Variants in SLC12A3 observed in about 807,000 individuals in gnomAD.
SLC12A3 encodes Na-Cl cotransporter.
SLC12A3 carries 104 observed loss-of-function variants against 121.0 expected under a neutral mutation model. The observed-to-expected ratio is 0.86, with a 90% CI of 0.73 to 1.01. The LOEUF (loss-of-function observed/expected upper bound fraction) is 1.01, where lower values mean the gene tolerates loss of function less well. Ranked by LOEUF, SLC12A3 falls within the 50% of genes least tolerant of loss-of-function variation. SLC12A3 has a pLI of 0.00. For synonymous variants in SLC12A3, 536 were observed against 533.4 expected, an observed-to-expected ratio of 1.00 and a Z score of -0.07; for missense variants, 1,328 against 1,356.3, an observed-to-expected ratio of 0.98 and a Z score of 0.33.
chr16:56,871,816 C>T (rs938995633), intron 6 of SLC12A3, among the ~76,000 whole-genome samples: 22 of 152,122 alleles, frequency 1.4e-4, no homozygotes, highest in African/African-American at 4.3e-4. Context: ...TCCGCCTCCT[C>T]GTCTCAAGCA....
intron 14 of SLC12A3, among the ~76,000 whole-genome samples, chr16:56,884,583 A>T (rs1315401295): frequency 6.6e-6 from 1 of 152,160 alleles, no homozygotes; most frequent in East Asian, 1.9e-4. Flanking sequence ...GCAGGCAGAC[A>T]AAGCTTGGAC....
At chr16:56,868,882 G>A (rs1227978442) in intron 3 of SLC12A3, among the ~76,000 whole-genome samples, 1 of 151,960 alleles carries the variant, frequency 6.6e-6, no homozygotes, top group East Asian at 1.9e-4. Context: ...CTGAGTCAGA[G>A]AATTGCTTGA....
At position 56,887,994 on chromosome 16, in the gene SLC12A3, C is replaced by T. The variant is rs746956333; in HGVS notation, c.2248C>T (p.His750Tyr). The T allele has an allele frequency of 1.9e-6, 3 of 1,612,032 alleles. No homozygotes were observed. Among genetic ancestry groups the T allele is most frequent in the South Asian group, 2.2e-5 (2 of 91,052 alleles). Reference protein sequence around the residue: ...VGFKKNWQSAHPATVEDYIGI... With the variant: ...VGFKKNWQSAYPATVEDYIGI... Reference sequence around the variant, plus strand: ...GTTCAAGAAGAACTGGCAGTCGGCTCACCCGGCCACAGTGGAAGACTACAT... The same window carrying T: ...GTTCAAGAAGAACTGGCAGTCGGCTTACCCGGCCACAGTGGAAGACTACAT... Residue 750 changes from histidine to tyrosine, a missense_variant, in exon 18 of 26, where the codon CAC becomes TAC. Physicochemically the swap from His to Tyr is moderately conservative, Grantham distance 83 (BLOSUM62 2). Transcript: ENST00000563236.
intron 22 of SLC12A3, among the ~76,000 whole-genome samples, chr16:56,897,622 T>C (rs2055482793): frequency 6.6e-6 from 1 of 152,188 alleles, no homozygotes; most frequent in Admixed American, 6.5e-5. Flanking sequence ...AAAAAGTAAA[T>C]AAGATACGAG....
At chr16:56,900,401 T>C (rs2055521719) in intron 23 of SLC12A3, among the ~76,000 whole-genome samples, 1 of 152,086 alleles carries the variant, frequency 6.6e-6, no homozygotes, top group African/African-American at 2.4e-5. Context: ...ATTGTCTCTG[T>C]TGGTGGAAAA....
chr16:56,902,453 G>T lies in SLC12A3; in HGVS notation c.2801G>T (p.Arg934Leu). The part of the protein sequence containing the change: ...FKDEATVNEM[R>L]RDCPWKISDE... ...GATGAGGCCACTGTCAACGAGATGCGGCGGGACTGCCCCTGGAAGATCTCA... is the reference window on the plus strand; with the variant it reads ...GATGAGGCCACTGTCAACGAGATGCTGCGGGACTGCCCCTGGAAGATCTCA... The change falls in exon 24 of 26, where the codon CGG (arginine) becomes CTG (leucine). Residue 934 changes from arginine to leucine, a missense_variant. Coordinates refer to ENST00000563236, the MANE Select transcript of SLC12A3 (RefSeq NM_001126108.2). 2 of 1,613,658 alleles carry T rather than the reference G, an allele frequency of 1.2e-6. No individual in the cohort carries two copies. The highest frequency in any genetic ancestry group is 4.5e-5 in the East Asian group (2 of 44,848).
At chr16:56,890,242 G>A in intron 18 of SLC12A3, 32 bp from the exon 19 acceptor site, 1 of 1,581,060 alleles carries the variant, frequency 6.3e-7, no homozygotes, top group African/African-American at 1.3e-5. Flanking sequence ...GGAGCTGGGG[G>A]AGAAGCTGGA....
chr16:56,902,366 T>C lies in SLC12A3; in HGVS notation c.2721-7T>C, dbSNP rs2055549070. ...CAGCCGGCCTCAACCCACTTTCTCG[T>C]CCCCAGCACCAAGAGGTTTGAGGAC... On this transcript the variant is annotated splice_polypyrimidine_tract_variant and splice_region_variant and intron_variant, in intron 23 of 25. Coordinates refer to ENST00000563236, the MANE Select transcript of SLC12A3 (RefSeq NM_001126108.2). 1.2e-6 allele frequency: 2 copies of C among 1,614,032 alleles called. No individual in the cohort carries two copies. The highest frequency in any genetic ancestry group is 2.7e-5 in the African/African-American group (2 of 75,000).
intron 14 of SLC12A3, 111 bp from the exon 15 acceptor site, chr16:56,885,154 G>A (rs1195099529): frequency 2.6e-6 from 2 of 758,502 alleles, no homozygotes; most frequent in African/African-American, 1.7e-5. Flanking sequence ...TGCTCCCACG[G>A]GTGCCCGGTG....
At chr16:56,906,925 G>T in intron 25 of SLC12A3, 1 of 452,600 alleles carries the variant, frequency 2.2e-6, no homozygotes. Flanking sequence ...GCAAAAGGTG[G>T]GCTGGAGATT....
At position 56,899,603 on chromosome 16, in the gene SLC12A3, C is replaced by T; in HGVS notation, c.2707C>T (p.Pro903Ser). 6.2e-7 allele frequency: 1 copy of T among 1,613,664 alleles called. No homozygotes were observed. The highest frequency in any genetic ancestry group is 8.5e-7 in the Non-Finnish European group (1 of 1,179,524). Residue 903 changes from proline to serine, a missense_variant, in exon 23 of 26, where the codon CCT (proline) becomes TCT (serine). Coordinates refer to ENST00000563236, the MANE Select transcript of SLC12A3 (RefSeq NM_001126108.2). ...CATCCTCCCTGACATCAACCAGAACCCTCGGGCTGAGCAGTAAGTTCTGTT... is the reference window on the plus strand; with the variant it reads ...CATCCTCCCTGACATCAACCAGAACTCTCGGGCTGAGCAGTAAGTTCTGTT... ...VHILPDINQN[P>S]RAEHTKRFED...
At chr16:56,901,347 C>CTTTTTTTT (rs113592874) in intron 23 of SLC12A3, among the ~76,000 whole-genome samples, 9 of 128,902 alleles carry the variant, frequency 7.0e-5, no homozygotes, top group South Asian at 4.7e-4. Flanking sequence ...CTCTCTCTCT[C>CTTTTTTTT]TTTTTTTTTT....
intron 25 of SLC12A3, chr16:56,904,939 A>C (rs1596953587): frequency 3.8e-6 from 1 of 266,044 alleles, no homozygotes; most frequent in East Asian, 9.3e-5. Context: ...GTTCTGAGCC[A>C]CCCCTGGGTG....
rs1221033472 is a variant in SLC12A3, at chr16:56,904,465, A to C, written c.2924+3A>C. On this transcript the variant is annotated splice_donor_region_variant and intron_variant, in intron 25 of 25. Transcript: ENST00000563236. ...CGAGACGCTGCTCTCATCGTCATGTAAGTAGTGCCCGGCTGGTGGGAGGAC... is the reference window on the plus strand; with the variant it reads ...CGAGACGCTGCTCTCATCGTCATGTCAGTAGTGCCCGGCTGGTGGGAGGAC... 2 of 1,613,480 alleles carry C rather than the reference A, an allele frequency of 1.2e-6. No homozygotes were observed. The highest frequency in any genetic ancestry group is 1.7e-6 in the Non-Finnish European group (2 of 1,179,506).
At chr16:56,865,897 G>C (rs1416949802) in intron 1 of SLC12A3, among the ~76,000 whole-genome samples, 7 of 152,188 alleles carry the variant, frequency 4.6e-5, no homozygotes, top group African/African-American at 1.7e-4. Context: ...GTGGAGGGCT[G>C]GAAGGTGGAT....
intron 22 of SLC12A3, among the ~76,000 whole-genome samples, chr16:56,896,451 A>T (rs2055463127): frequency 6.6e-6 from 1 of 152,144 alleles, no homozygotes; most frequent in African/African-American, 2.4e-5. Context: ...TTCTGTTTAA[A>T]ATTGTGATGT....
At chr16:56,898,648 T>C (rs148650931) in intron 22 of SLC12A3, among the ~76,000 whole-genome samples, 39 of 152,242 alleles carry the variant, frequency 2.6e-4, no homozygotes, top group African/African-American at 9.1e-4. Context: ...TTACCCCTCT[T>C]TCACCGTCCA....
chr16:56,910,262 G>GT (rs71152219), intron 25 of SLC12A3, among the ~76,000 whole-genome samples: 7,024 of 147,736 alleles, frequency 0.048, 267 homozygotes, highest in African/African-American at 0.11. Context: ...CAACCTCTTT[G>GT]TTTTTTTTTG....
chr16:56,902,578 G>A, intron 24 of SLC12A3, 70 bp downstream of exon 24: 1 of 1,585,608 alleles, frequency 6.3e-7, no homozygotes, highest in African/African-American at 1.3e-5. Context: ...TGCATGTCTT[G>A]AGCTCCCCCA....
Sources: allele counts gnomAD v4.1 joint callset (sites outside exome capture counted in the v4.1 genomes callset), GRCh38; gene constraint gnomAD v4.1.1; transcripts MANE v1.5; gene names NCBI Gene and HGNC (gene_info 2026-07-23, HGNC 2026-07-21).